Variants in PRKCE observed in about 807,000 individuals in gnomAD.
PRKCE encodes the protein protein kinase C epsilon, also known as protein kinase C epsilon type.
Under a neutral mutation model 85.4 loss-of-function variants are expected in PRKCE, and 16 were observed. That is an observed-to-expected ratio of 0.19 (90% CI 0.13 to 0.28). The LOEUF is 0.28. PRKCE is among the 10% of genes least tolerant of loss of function. The probability of loss-of-function intolerance (pLI) is 1.00; values close to 1 mark genes in which losing one functional copy is unlikely to be tolerated. For missense variants in PRKCE, 573 were observed against 975.2 expected (o/e 0.59, Z 5.49); for synonymous variants, 388 against 371.5 (o/e 1.04, Z -0.51).
At chr2:46,175,727 C>T (rs940166975) in intron 14 of PRKCE, among the ~76,000 whole-genome samples, 2 of 151,948 alleles carry the variant, frequency 1.3e-5, no homozygotes, top group African/African-American at 4.8e-5. Context: ...CTCAGATGTC[C>T]TGATTTTATA....
At chr2:45,842,945 C>G (rs1573574126) in intron 1 of PRKCE, 55 bp from the exon 2 acceptor site, 17 of 1,529,022 alleles carry the variant, frequency 1.1e-5, no homozygotes, top group East Asian at 9.0e-5. Flanking sequence ...TTGTGGAACT[C>G]TTAGGTTGCC....
intron 14 of PRKCE, chr2:46,166,839 A>G: frequency 6.6e-6 from 1 of 152,152 alleles, no homozygotes; most frequent in Non-Finnish European, 1.5e-5. Context: ...AAAAATGCAA[A>G]AAGTAGCCAG....
In PRKCE at chr2:46,185,586, A is replaced by G. The variant is rs1439006875; in HGVS notation, c.*705A>G. On this transcript the variant is annotated 3_prime_UTR_variant, in exon 15 of 15. Coordinates refer to ENST00000306156, the MANE Select transcript of PRKCE (RefSeq NM_005400.3). This position sits in a 1 kb window ranked among gnomAD's most constrained non-coding sequence, Gnocchi z 4.7. ...TGAACTCTGTTAACATTTGAAAAATATATTTTCAAATTCACTTTCTAATTG... is the reference window on the plus strand; with the variant it reads ...TGAACTCTGTTAACATTTGAAAAATGTATTTTCAAATTCACTTTCTAATTG... 2.6e-5 allele frequency: 4 copies of G among 152,702 alleles called. No individual in the cohort carries two copies. Among genetic ancestry groups the G allele is most frequent in the Non-Finnish European group, 5.9e-5 (4 of 68,058 alleles). 9.5% of individuals were successfully genotyped at this position (152,702 alleles called of 1,614,324 possible). A position where few individuals can be genotyped will look rare whatever the true frequency, so the allele number is the denominator to read the frequency against.
chr2:45,845,687 C>T (rs1166339814), intron 2 of PRKCE: 1 of 152,138 alleles, frequency 6.6e-6, no homozygotes, highest in Non-Finnish European at 1.5e-5. Flanking sequence ...GTTAGAAAGC[C>T]TGGGCGTTTA....
At chr2:45,769,061 T>C (rs1685119205) in intron 1 of PRKCE, among the ~76,000 whole-genome samples, 1 of 152,252 alleles carries the variant, frequency 6.6e-6, no homozygotes, top group East Asian at 1.9e-4. Context: ...ATTTAAATTG[T>C]TTGTTGCCAT....
chr2:45,978,869 G>T, intron 3 of PRKCE, 107 bp from the exon 4 acceptor site: 2 of 864,154 alleles, frequency 2.3e-6, no homozygotes, highest in South Asian at 2.9e-5. Flanking sequence ...CATACTTCAT[G>T]TACTTGGTGC....
At position 46,094,165 on chromosome 2, in the gene PRKCE, G is replaced by A. The variant is rs191348768; in HGVS notation, c.1592+7803G>A. ...ATTCCAGTCTAAATGGTTACCTTCT[G>A]CCCTGTGTGCCTGCTGCAAAGCTGT... On this transcript the variant is annotated intron_variant, in intron 11 of 14. Transcript: ENST00000306156. Among the ~76,000 whole-genome samples, 2 of 152,176 alleles carry A rather than the reference G, an allele frequency of 1.3e-5. 1 individual carries two copies. The highest frequency in any genetic ancestry group is 4.8e-5 in the African/African-American group (2 of 41,500).
At chr2:46,055,716 G>A (rs537349126) in intron 10 of PRKCE, among the ~76,000 whole-genome samples, 3 of 151,764 alleles carry the variant, frequency 2.0e-5, no homozygotes, top group Non-Finnish European at 2.9e-5. Context: ...TGGCTGGAAT[G>A]CAGTGGCAAG....
intron 1 of PRKCE, among the ~76,000 whole-genome samples, chr2:45,791,416 T>A (rs753467096): frequency 7.9e-5 from 12 of 152,210 alleles, no homozygotes; most frequent in Non-Finnish European, 4.4e-5. Context: ...GAGCAGGCCC[T>A]ACACCCGCTG....
intron 2 of PRKCE, among the ~76,000 whole-genome samples, chr2:45,948,198 A>G (rs1455887110): frequency 6.6e-6 from 1 of 152,252 alleles, no homozygotes; most frequent in Non-Finnish European, 1.5e-5. Context: ...TGCTATACCC[A>G]TAACGTGGCA....
intron 1 of PRKCE, among the ~76,000 whole-genome samples, chr2:45,708,905 T>C (rs1679359338): frequency 6.6e-6 from 1 of 152,186 alleles, no homozygotes; most frequent in Non-Finnish European, 1.5e-5. Flanking sequence ...AGCCTGACTC[T>C]CCAAATCCCT....
chr2:45,830,736 TAAAC>T (rs1209282534), intron 1 of PRKCE, among the ~76,000 whole-genome samples: 2 of 152,220 alleles, frequency 1.3e-5, no homozygotes, highest in Non-Finnish European at 2.9e-5. Context: ...CGTCACCTAT[TAAAC>T]AACAGTAATC....
At chr2:46,024,563 A>C (rs1211026922) in intron 10 of PRKCE, among the ~76,000 whole-genome samples, 1 of 152,144 alleles carries the variant, frequency 6.6e-6, no homozygotes, top group Admixed American at 6.5e-5. Context: ...GCGGGTTGCT[A>C]GGAAGCTAAG....
intron 1 of PRKCE, among the ~76,000 whole-genome samples, chr2:45,747,503 C>G (rs140799070): frequency 6.6e-6 from 1 of 152,292 alleles, no homozygotes; most frequent in African/African-American, 2.4e-5. Flanking sequence ...GCATAATGTC[C>G]TCAGGGTTCA....
At chr2:45,734,181 A>G (rs1281262375) in intron 1 of PRKCE, among the ~76,000 whole-genome samples, 1 of 152,138 alleles carries the variant, frequency 6.6e-6, no homozygotes, top group Non-Finnish European at 1.5e-5. Flanking sequence ...CCTGGCCAAC[A>G]TGGTGAAACC....
chr2:46,187,307 G>A lies in PRKCE; in HGVS notation c.*2426G>A, dbSNP rs14138. 21,156 of 152,358 alleles carry A rather than the reference G, an allele frequency of 0.14. 1,923 individuals carry two copies. The highest frequency in any genetic ancestry group is 0.27 in the Admixed American group (4,199 of 15,272). 9.4% of individuals were successfully genotyped at this position (152,358 alleles called of 1,614,324 possible). A position where few individuals can be genotyped will look rare whatever the true frequency, so the allele number is the denominator to read the frequency against. ...ACATTCCACCTGGCAGCTGAAGGCA[G>A]CCAGTCAGTCTGTCCCAGAAAGGGC... is the stretch of plus-strand genomic sequence containing the variant. On this transcript the variant is annotated 3_prime_UTR_variant, in exon 15 of 15. Coordinates refer to ENST00000306156, the MANE Select transcript of PRKCE (RefSeq NM_005400.3).
intron 1 of PRKCE, among the ~76,000 whole-genome samples, chr2:45,819,892 C>T (rs1318738957): frequency 6.6e-6 from 1 of 152,170 alleles, no homozygotes; most frequent in African/African-American, 2.4e-5. Flanking sequence ...GAAACAATCG[C>T]ATCAAGCTGG....
intron 11 of PRKCE, among the ~76,000 whole-genome samples, chr2:46,107,803 T>C (rs1671873983): frequency 6.6e-6 from 1 of 152,378 alleles, no homozygotes; most frequent in Non-Finnish European, 1.5e-5. Context: ...TCACTAATGA[T>C]AAATGATGTT....
intron 10 of PRKCE, among the ~76,000 whole-genome samples, chr2:46,083,716 C>G (rs80085185): frequency 0.034 from 5,209 of 152,234 alleles, 289 homozygotes; most frequent in African/African-American, 0.12. Context: ...AGACTCCGCC[C>G]CAGATCTTCT....
Sources: allele counts gnomAD v4.1 joint callset (sites outside exome capture counted in the v4.1 genomes callset), GRCh38; gene constraint gnomAD v4.1.1; non-coding constraint Gnocchi (gnomAD v3.1); transcripts MANE v1.5; gene names NCBI Gene and HGNC (gene_info 2026-07-23, HGNC 2026-07-21).